PCDH12: variants seen among roughly 807,000 people sequenced by gnomAD.
PCDH12 encodes protocadherin 12, also known as protocadherin-12.
Under a neutral mutation model 70.9 loss-of-function variants are expected in PCDH12, and 45 were observed. That is an observed-to-expected ratio of 0.63 (90% CI 0.50 to 0.81). The LOEUF (loss-of-function observed/expected upper bound fraction) is 0.81, where lower values mean the gene tolerates loss of function less well. PCDH12 is among the 40% of genes least tolerant of loss of function. PCDH12 has a pLI of 0.00. For synonymous variants in PCDH12, 567 were observed against 626.0 expected, an observed-to-expected ratio of 0.91 and a Z score of 1.41; for missense variants, 1,370 against 1,491.7, an observed-to-expected ratio of 0.92 and a Z score of 1.34.
chr5:141,948,907 A>G (rs191447605), intron 3 of PCDH12, among the ~76,000 whole-genome samples: 4 of 152,300 alleles, frequency 2.6e-5, no homozygotes, highest in East Asian at 1.9e-4. Context: ...TGAATAATCA[A>G]CGTAGGCCAG....
intron 1 of PCDH12, among the ~76,000 whole-genome samples, chr5:141,954,285 A>G (rs568712958): frequency 1.3e-5 from 2 of 152,314 alleles, no homozygotes; most frequent in South Asian, 4.1e-4. Context: ...CAGACAAATT[A>G]TTTGCAACAC....
At chr5:141,954,337 A>T (rs1015791300) in intron 1 of PCDH12, among the ~76,000 whole-genome samples, 1 of 152,236 alleles carries the variant, frequency 6.6e-6, no homozygotes, top group Non-Finnish European at 1.5e-5. Context: ...CCTTCTTCAT[A>T]GGGAAGTTGC....
At chr5:141,951,711 T>A in intron 1 of PCDH12, 121 bp from the exon 2 acceptor site, 2 of 760,780 alleles carry the variant, frequency 2.6e-6, no homozygotes, top group Non-Finnish European at 4.6e-6. Flanking sequence ...TTCAGATGTT[T>A]GTGTGATCAG....
chr5:141,952,251 G>T (rs372660861), intron 1 of PCDH12, among the ~76,000 whole-genome samples: 1 of 152,166 alleles, frequency 6.6e-6, no homozygotes, highest in Non-Finnish European at 1.5e-5. Flanking sequence ...TTACCACAGG[G>T]GTTGCCTCTG....
At chr5:141,953,556 G>A (rs915591699) in intron 1 of PCDH12, among the ~76,000 whole-genome samples, 1 of 152,192 alleles carries the variant, frequency 6.6e-6, no homozygotes, top group African/African-American at 2.4e-5. Flanking sequence ...TGAGCATTGG[G>A]CAAGTTGCCT....
chr5:141,954,477 A>C (rs1753141726), intron 1 of PCDH12, among the ~76,000 whole-genome samples: 1 of 152,226 alleles, frequency 6.6e-6, no homozygotes, highest in Non-Finnish European at 1.5e-5. Context: ...GCATTCACTC[A>C]TTTTATTTTC....
At chr5:141,946,587 C>T (rs1233256134) in intron 3 of PCDH12, among the ~76,000 whole-genome samples, 1 of 152,176 alleles carries the variant, frequency 6.6e-6, no homozygotes, top group Non-Finnish European at 1.5e-5. Flanking sequence ...CCACCTGGCC[C>T]CAGATCCTCA....
Position 141,957,856 on chromosome 5 carries a change from A to G in PCDH12, c.-5T>C. On this transcript the variant is annotated 5_prime_UTR_variant, in exon 1 of 4. Transcript: ENST00000231484. The surrounding 1 kb of genome is among the most constrained non-coding windows in gnomAD (Gnocchi z 4.3). Reference sequence around the variant, plus strand: ...AAGTTGCAGAAGTTGCATCATGCTTACCGCCAAGTGGGCTAGATTCAGAAA... The same window carrying G: ...AAGTTGCAGAAGTTGCATCATGCTTGCCGCCAAGTGGGCTAGATTCAGAAA... 6.3e-7 allele frequency: 1 copy of G among 1,595,346 alleles called. No individual in the cohort carries two copies. Among genetic ancestry groups the G allele is most frequent in the Non-Finnish European group, 8.5e-7 (1 of 1,176,968 alleles).
In PCDH12 at chr5:141,958,119, G is replaced by A. The variant is rs1208300028; in HGVS notation, c.-268C>T. On this transcript the variant is annotated 5_prime_UTR_variant, in exon 1 of 4. Coordinates refer to ENST00000231484, the MANE Select transcript of PCDH12 (RefSeq NM_016580.4). ...CTGGGGAACTAGTTGGTCCACTTCA[G>A]CAAATGATGGACAAGAGCTGGTCTA... is the stretch of plus-strand genomic sequence containing the variant. 1 of 475,348 alleles carries A rather than the reference G, an allele frequency of 2.1e-6. No individual in the cohort carries two copies. The highest frequency in any genetic ancestry group is 3.8e-6 in the Non-Finnish European group (1 of 266,098). The allele number at this position is 475,348 out of a possible 1,614,324, so 29.4% of individuals were successfully genotyped here. A position where few individuals can be genotyped will look rare whatever the true frequency, so the allele number is the denominator to read the frequency against.
At chr5:141,946,144 T>A (rs867619895) in intron 3 of PCDH12, among the ~76,000 whole-genome samples, 5 of 152,160 alleles carry the variant, frequency 3.3e-5, no homozygotes, top group Middle Eastern at 3.2e-3. Context: ...CCAGGATTTT[T>A]ACCCCTCAGG....
In PCDH12 at chr5:141,956,034, A is replaced by G. The variant is rs1238210393; in HGVS notation, c.1818T>C (p.Pro606=). 6.2e-7 allele frequency: 1 copy of G among 1,613,828 alleles called. No individual in the cohort carries two copies. Among genetic ancestry groups the G allele is most frequent in the African/African-American group, 1.3e-5 (1 of 74,838 alleles). Residue 606 remains proline (P), a synonymous_variant, in exon 1 of 4, where the codon CCT becomes CCC. Coordinates refer to ENST00000231484, the MANE Select transcript of PCDH12 (RefSeq NM_016580.4). The part of the protein sequence containing the change: ...NGLGPAGTDT[P]PLATHSSRPF... ...GCCGGGAGCTGTGAGTGGCCAGTGG[A>G]GGTGTGTCAGTGCCCGCTGGGCCCA... is the stretch of plus-strand genomic sequence containing the variant.
Position 141,943,779 on chromosome 5 carries a change from CAG to C in PCDH12, c.*1600_*1601del, listed in dbSNP as rs1752832493. The C allele has an allele frequency of 6.6e-6, 1 of 152,160 alleles. No individual in the cohort carries two copies. 9.4% of individuals were successfully genotyped at this position (152,160 alleles called of 1,614,324 possible). A position where few individuals can be genotyped will look rare whatever the true frequency, so the allele number is the denominator to read the frequency against. ...GTTCTGTGATCCAGCCTGAAAATCA[CAG>C]ATTCTGTAAGGAGATCACTCTGGCC... On this transcript the variant is annotated 3_prime_UTR_variant, in exon 4 of 4. Coordinates refer to ENST00000231484, the MANE Select transcript of PCDH12 (RefSeq NM_016580.4).
At chr5:141,948,495 G>A (rs186652800) in intron 3 of PCDH12, among the ~76,000 whole-genome samples, 48 of 152,314 alleles carry the variant, frequency 3.2e-4, no homozygotes, top group African/African-American at 8.2e-4. Context: ...GGCGGGGGGC[G>A]CTAGCAGATT....
intron 1 of PCDH12, 31 bp downstream of exon 1, chr5:141,954,941 C>T: frequency 6.3e-7 from 1 of 1,586,814 alleles, no homozygotes; most frequent in Non-Finnish European, 8.6e-7. Context: ...CCAGGAGTGA[C>T]CAGAGAAAGA....
Position 141,957,671 on chromosome 5 carries a change from G to A in PCDH12, c.181C>T (p.Gln61Ter). The A allele has an allele frequency of 6.2e-7, 1 of 1,614,200 alleles. No individual in the cohort carries two copies. Among genetic ancestry groups the A allele is most frequent in the South Asian group, 1.1e-5 (1 of 91,080 alleles). ...AACACCTGGAAGGCAGCCCCAGCTT[G>A]CCTCCGCCTCTCCTCCCGGCCCAGT... ...QELGREERRR[Q>*]AGAAFQVLQL... The change falls in exon 1 of 4, where the codon CAA (glutamine) becomes TAA (stop). Residue 61 changes from glutamine (Q) to a stop codon, truncating the protein, a stop_gained. Transcript: ENST00000231484. LOFTEE classifies it high-confidence loss of function. The surrounding 1 kb of genome is among the most constrained non-coding windows in gnomAD (Gnocchi z 4.3).
rs1254788717 is a variant in PCDH12, at chr5:141,957,666, A to AGCTT, written c.182_185dup (p.Gly63SerfsTer21). 1 of 1,614,158 alleles carries AGCTT rather than the reference A, an allele frequency of 6.2e-7. No individual in the cohort carries two copies. The highest frequency in any genetic ancestry group is 2.2e-5 in the East Asian group (1 of 44,878). ...GCTGCAACACCTGGAAGGCAGCCCC[A>AGCTT]GCTTGCCTCCGCCTCTCCTCCCGGC... On this transcript the variant is annotated frameshift_variant, in exon 1 of 4. Transcript: ENST00000231484. LOFTEE classifies it high-confidence loss of function. This position sits in a 1 kb window ranked among gnomAD's most constrained non-coding sequence, Gnocchi z 4.3.
In PCDH12 at chr5:141,955,438, T is replaced by C; in HGVS notation, c.2414A>G (p.Glu805Gly). The C allele has an allele frequency of 6.2e-7, 1 of 1,614,024 alleles. No homozygotes were observed. The highest frequency in any genetic ancestry group is 8.5e-7 in the Non-Finnish European group (1 of 1,179,966). The change falls in exon 1 of 4, where the codon GAA becomes GGA. Residue 805 changes from glutamate (E) to glycine (G), a missense_variant. Physicochemically the swap from Glu to Gly is moderately conservative, Grantham distance 98. Transcript: ENST00000231484. This position sits in a 1 kb window ranked among gnomAD's most constrained non-coding sequence, Gnocchi z 5.5. Reference sequence around the variant, plus strand: ...CTGCAGGCAGGGGTCCCAGCCTGCTTCCATCATCGCCTCCTTGTCCACATC... The same window carrying C: ...CTGCAGGCAGGGGTCCCAGCCTGCTCCCATCATCGCCTCCTTGTCCACATC... ...HKDVDKEAMMEAGWDPCLQAP... is the reference protein window; with the variant it reads ...HKDVDKEAMMGAGWDPCLQAP...
At position 141,945,718 on chromosome 5, in the gene PCDH12, A is replaced by C; in HGVS notation, c.3218T>G (p.Val1073Gly). ...CGTGGCTGCAGCATCCGGGGAGATC[A>C]CATTGTCACGGTAGTTGGTGGTGAG... ...LPLTTNYRDN[V>G]ISPDAAATEE... The change falls in exon 4 of 4, where the codon GTG becomes GGG. Residue 1073 changes from valine (V) to glycine (G), a missense_variant. Val to Gly is a moderately radical substitution (Grantham distance 109). Transcript: ENST00000231484. The C allele has an allele frequency of 2.5e-6, 4 of 1,614,100 alleles. No individual in the cohort carries two copies. Among genetic ancestry groups the C allele is most frequent in the Non-Finnish European group, 3.4e-6 (4 of 1,180,014 alleles).
chr5:141,950,044 C>G (rs1177153438), intron 2 of PCDH12, among the ~76,000 whole-genome samples: 1 of 152,238 alleles, frequency 6.6e-6, no homozygotes, highest in Non-Finnish European at 1.5e-5. Context: ...TGCCTGCTCC[C>G]TTACTGATGC....
Sources: gnomAD v4.1 joint callset for allele counts (sites outside exome capture counted in the v4.1 genomes callset) on GRCh38, gnomAD v4.1.1 for gene constraint, Gnocchi (gnomAD v3.1) non-coding constraint, MANE v1.5 for transcripts, NCBI Gene and HGNC (gene_info 2026-07-23, HGNC 2026-07-21) for gene names.